SEC22C: variants seen among roughly 807,000 people sequenced by gnomAD.
SEC22C encodes vesicle-trafficking protein SEC22c.
A neutral mutation model predicts 34.7 loss-of-function variants in SEC22C; 29 were observed. That is an observed-to-expected ratio of 0.84 (90% CI 0.62 to 1.14). SEC22C has a LOEUF of 1.14. Among genes scored for constraint, SEC22C ranks in the 50% most tolerant of loss-of-function variants. The pLI is 0.00. For synonymous variants in SEC22C, 117 were observed against 132.8 expected, an observed-to-expected ratio of 0.88 and a Z score of 0.82; for missense variants, 337 against 369.0, an observed-to-expected ratio of 0.91 and a Z score of 0.71.
At chr3:42,600,990 C>G in exon 1 of SEC22C, 1 of 1,547,830 alleles carries the variant, frequency 6.5e-7, no homozygotes, top group Middle Eastern at 2.3e-4. Flanking sequence ...CCAGCTCTTG[C>G]CGCCACCTCG....
At position 42,593,810 on chromosome 3, in the gene SEC22C, A is replaced by T. The variant is rs185194075; in HGVS notation, c.-28+7150T>A. ...GTCTGATAAGGTGATATTTGAGTAG[A>T]GACCTGGGGTAAGGGAGCCAGCTAT... is the stretch of plus-strand genomic sequence containing the variant. On this transcript the variant is annotated intron_variant, in intron 1 of 6. Coordinates refer to the SEC22C transcript ENST00000417572. Among the ~76,000 whole-genome samples, 16 of 152,336 alleles carry T rather than the reference A, an allele frequency of 1.1e-4. No individual in the cohort carries two copies. In the East Asian group the frequency reaches 3.1e-3, roughly 29 times the overall value.
At chr3:42,572,807 G>A (rs1338971452) in intron 1 of SEC22C, among the ~76,000 whole-genome samples, 9 of 152,202 alleles carry the variant, frequency 5.9e-5, no homozygotes, top group Admixed American at 1.3e-4. Context: ...GACATTAATT[G>A]ATGGCAACAT....
chr3:42,566,796 G>C (rs747093493), intron 2 of SEC22C: 1 of 411,904 alleles, frequency 2.4e-6, no homozygotes, highest in Non-Finnish European at 4.9e-6. Flanking sequence ...TTGAGCCTAG[G>C]AGTTTAAGAC....
intron 3 of SEC22C, 38 bp downstream of exon 3, chr3:42,563,485 A>G (rs1703046325): frequency 3.2e-6 from 5 of 1,573,710 alleles, no homozygotes; most frequent in Admixed American, 1.8e-5. Context: ...ATATAACACC[A>G]TGGAAGAGAA....
rs570911254 is a variant in SEC22C at position 42,559,425 on chromosome 3, C to T, written c.526+1692G>A. On this transcript the variant is annotated intron_variant, in intron 4 of 6. Transcript: ENST00000264454. The stretch of plus-strand genomic sequence containing the variant: ...ACAAAACATACATTACAAAGATATG[C>T]CTGCATTCATATATGGTAAGGGAAA... Among the ~76,000 whole-genome samples, 3 of 152,340 alleles carry T rather than the reference C, an allele frequency of 2.0e-5. No homozygotes were observed. In the East Asian group the frequency reaches 5.8e-4, roughly 29 times the overall value.
At chr3:42,554,670 G>A (rs1193631110) in intron 6 of SEC22C, among the ~76,000 whole-genome samples, 1 of 152,094 alleles carries the variant, frequency 6.6e-6, no homozygotes, top group Non-Finnish European at 1.5e-5. Context: ...ACCATTCTAG[G>A]ATGTATGTGG....
chr3:42,584,549 C>A (rs1294025082), upstream of SEC22C, among the ~76,000 whole-genome samples: 1 of 152,232 alleles, frequency 6.6e-6, no homozygotes, highest in Admixed American at 6.5e-5. Flanking sequence ...AGCCACCACG[C>A]CTAGCCGGGA....
chr3:42,571,282 T>C (rs571747194), intron 1 of SEC22C, among the ~76,000 whole-genome samples: 17 of 152,342 alleles, frequency 1.1e-4, no homozygotes, highest in African/African-American at 4.1e-4. Flanking sequence ...TGATCAAACT[T>C]GCTTTTCCTC....
intron 2 of SEC22C, among the ~76,000 whole-genome samples, chr3:42,565,400 A>T (rs1294403792): frequency 6.6e-6 from 1 of 152,202 alleles, no homozygotes; most frequent in Non-Finnish European, 1.5e-5. Flanking sequence ...AATCCTTCAG[A>T]AGGGTCTAGG....
At chr3:42,559,467 A>C (rs916273832) in intron 4 of SEC22C, among the ~76,000 whole-genome samples, 3 of 152,234 alleles carry the variant, frequency 2.0e-5, no homozygotes, top group African/African-American at 4.8e-5. Context: ...GAGCTCAATT[A>C]CCCAGTCTTC....
chr3:42,563,834 T>A (rs1396942270), intron 2 of SEC22C, 148 bp from the exon 3 acceptor site: 2 of 1,523,408 alleles, frequency 1.3e-6, no homozygotes, highest in Non-Finnish European at 1.8e-6. Context: ...GTCTCTTCAG[T>A]TCGACCTATT....
chr3:42,571,379 T>C (rs1703617019), intron 1 of SEC22C, among the ~76,000 whole-genome samples: 2 of 152,212 alleles, frequency 1.3e-5, no homozygotes, highest in South Asian at 4.1e-4. Flanking sequence ...GAAACTCACA[T>C]CTATTTTTTA....
At chr3:42,578,421 G>A (rs958388351) in intron 1 of SEC22C, among the ~76,000 whole-genome samples, 1 of 152,162 alleles carries the variant, frequency 6.6e-6, no homozygotes, top group Non-Finnish European at 1.5e-5. Flanking sequence ...GGATGGTAGA[G>A]AGGAAGGGAA....
At chr3:42,596,629 C>T (rs181848622) in intron 1 of SEC22C, among the ~76,000 whole-genome samples, 33 of 152,338 alleles carry the variant, frequency 2.2e-4, no homozygotes, top group Admixed American at 7.8e-4. Context: ...CCAGGAGTTT[C>T]TTCACCTTAA....
chr3:42,597,937 GTGA>G (rs1705077187), intron 1 of SEC22C, among the ~76,000 whole-genome samples: 1 of 152,222 alleles, frequency 6.6e-6, no homozygotes, highest in Non-Finnish European at 1.5e-5. Flanking sequence ...ACAAGTGTTG[GTGA>G]TGATGTGGAA....
intron 1 of SEC22C, 42 bp downstream of exon 1, chr3:42,581,804 G>C (rs1322057027): frequency 1.3e-5 from 2 of 152,376 alleles, no homozygotes. Flanking sequence ...CCTGCTCTTG[G>C]CTAACGGGCC....
intron 1 of SEC22C, chr3:42,579,636 A>G (rs1178135838): frequency 1.3e-5 from 2 of 152,666 alleles, no homozygotes; most frequent in Non-Finnish European, 2.9e-5. Flanking sequence ...AGAAAAAAGA[A>G]AAGAAAAGAA....
chr3:42,557,492 G>A, intron 5 of SEC22C, 86 bp downstream of exon 5: 1 of 578,094 alleles, frequency 1.7e-6, no homozygotes, highest in Non-Finnish European at 3.0e-6. Context: ...TAAAACCTCA[G>A]TTTTATAGAT....
intron 1 of SEC22C, among the ~76,000 whole-genome samples, chr3:42,569,630 A>C (rs1703489707): frequency 6.6e-6 from 1 of 152,220 alleles, no homozygotes; most frequent in African/African-American, 2.4e-5. Flanking sequence ...AGAAGGCAAA[A>C]ATGAAACCTC....
Sources: allele counts gnomAD v4.1 joint callset (sites outside exome capture counted in the v4.1 genomes callset), GRCh38; gene constraint gnomAD v4.1.1; transcripts MANE v1.5; gene names NCBI Gene and HGNC (gene_info 2026-07-23, HGNC 2026-07-21).